ALDH3A1: variants seen among roughly 807,000 people sequenced by gnomAD.
The protein encoded by ALDH3A1 is aldehyde dehydrogenase 3 family member A1.
Under a neutral mutation model 49.9 loss-of-function variants are expected in ALDH3A1, and 46 were observed. That is an observed-to-expected ratio of 0.92 (90% confidence interval 0.73 to 1.18). ALDH3A1 has a LOEUF of 1.18. Among genes scored for constraint, ALDH3A1 ranks in the 50% most tolerant of loss-of-function variants. The probability of loss-of-function intolerance (pLI) is 0.00; values close to 1 mark genes in which losing one functional copy is unlikely to be tolerated. For synonymous variants in ALDH3A1, 269 were observed against 253.3 expected (o/e 1.06, Z -0.59); for missense variants, 592 against 611.8 (o/e 0.97, Z 0.34).
intron 1 of ALDH3A1, among the ~76,000 whole-genome samples, chr17:19,746,518 C>T (rs553990483): frequency 6.6e-6 from 1 of 151,868 alleles, no homozygotes; most frequent in Non-Finnish European, 1.5e-5. Flanking sequence ...TAATTACTTT[C>T]AGCGAGACTC....
intron 6 of ALDH3A1, 33 bp from the exon 7 acceptor site, chr17:19,740,510 A>T: frequency 4.3e-6 from 7 of 1,611,122 alleles, no homozygotes; most frequent in Non-Finnish European, 5.9e-6. Flanking sequence ...TCGGGTAAGG[A>T]CGCAGAGCCT....
intron 3 of ALDH3A1, chr17:19,742,912 G>A (rs1352151882): frequency 2.6e-6 from 4 of 1,527,044 alleles, no homozygotes; most frequent in Non-Finnish European, 3.5e-6. Flanking sequence ...AGGCTCTGGG[G>A]GCCCGGTTGG....
chr17:19,746,316 C>A (rs558170234), intron 1 of ALDH3A1, among the ~76,000 whole-genome samples: 1 of 152,136 alleles, frequency 6.6e-6, no homozygotes, highest in South Asian at 2.1e-4. Flanking sequence ...TTGAACCAAG[C>A]TGAGAGGAGG....
At chr17:19,742,896 G>A (rs1356795274) in intron 3 of ALDH3A1, 26 of 1,528,654 alleles carry the variant, frequency 1.7e-5, no homozygotes, top group Non-Finnish European at 2.2e-5. Flanking sequence ...AGCAGAAAGG[G>A]GAGAGAGGCT....
chr17:19,744,919 C>CCCCCCCCCCCCCA, intron 2 of ALDH3A1, 49 bp downstream of exon 2: 1 of 1,385,396 alleles, frequency 7.2e-7, no homozygotes, highest in Non-Finnish European at 9.4e-7. Flanking sequence ...CCCCACGCCC[C>CCCCCCCCCCCCCA]ATCGCATGGC....
chr17:19,742,260 C>T lies in ALDH3A1; in HGVS notation c.481-48G>A, dbSNP rs762977522. 12 of 1,584,606 alleles carry T rather than the reference C, an allele frequency of 7.6e-6. No individual in the cohort carries two copies. The Admixed American group carries it at 1.7e-4, about 22-fold the overall frequency. The stretch of plus-strand genomic sequence containing the variant: ...AGGCTCAGCAAAGACCAAGCCCCTC[C>T]TCGCTCTTGCAAGTGTGGGTGAGTT... On this transcript the variant is annotated intron_variant, in intron 4 of 10. Coordinates refer to ENST00000225740, the MANE Select transcript of ALDH3A1 (RefSeq NM_000691.5).
At position 19,738,995 on chromosome 17, in the gene ALDH3A1, C is replaced by A; in HGVS notation, c.1216+1G>T. 6.2e-7 allele frequency: 1 copy of A among 1,612,574 alleles called. No individual in the cohort carries two copies. The highest frequency in any genetic ancestry group is 8.5e-7 in the Non-Finnish European group (1 of 1,179,650). On this transcript the variant is annotated splice_donor_variant, in intron 9 of 10. Transcript: ENST00000225740. LOFTEE classifies it high-confidence loss of function. ...GGCAGCAAGCTCAGCCCCAGACTCA[C>A]CCACGCCCCCGAAGGGCAGAGAGTG...
intron 1 of ALDH3A1, among the ~76,000 whole-genome samples, chr17:19,746,169 A>G (rs1433005836): frequency 2.0e-5 from 3 of 152,148 alleles, no homozygotes; most frequent in African/African-American, 7.2e-5. Context: ...TGGGCGGGTC[A>G]CCTGAGGTCA....
intron 1 of ALDH3A1, among the ~76,000 whole-genome samples, chr17:19,747,736 T>C (rs912381721): frequency 1.3e-5 from 2 of 152,120 alleles, no homozygotes; most frequent in African/African-American, 4.8e-5. Context: ...CTCTCACCTG[T>C]GCCAGTGTTG....
chr17:19,741,368 C>A (rs916579042), intron 5 of ALDH3A1, 158 bp from the exon 6 acceptor site: 14 of 600,306 alleles, frequency 2.3e-5, no homozygotes, highest in Middle Eastern at 4.5e-4. Flanking sequence ...GACACTGGAC[C>A]GAGCAGACCC....
chr17:19,740,125 G>A (rs2086462929), intron 7 of ALDH3A1: 2 of 576,632 alleles, frequency 3.5e-6, no homozygotes, highest in South Asian at 2.7e-5. Flanking sequence ...CTCTTTCTGG[G>A]CCTTTGCTGG....
In ALDH3A1 at chr17:19,738,449, G is replaced by T; in HGVS notation, c.1221C>A (p.Asn407Lys). The T allele has an allele frequency of 6.2e-7, 1 of 1,610,938 alleles. No homozygotes were observed. The highest frequency in any genetic ancestry group is 8.5e-7 in the Non-Finnish European group (1 of 1,177,760). ...TGCCATGGTAGGATCCCATGCCGCTGTTCCCTGCGGAGGAGAAGTAAGCAC... is the reference window on the plus strand; with the variant it reads ...TGCCATGGTAGGATCCCATGCCGCTTTTCCCTGCGGAGGAGAAGTAAGCAC... ...LHSLPFGGVG[N>K]SGMGSYHGKK... is the part of the protein sequence containing the mutation. The change falls in exon 10 of 11, where the codon AAC becomes AAA. Residue 407 changes from asparagine (N) to lysine (K), a missense_variant. Asn to Lys is a moderately conservative substitution (Grantham distance 94). Coordinates refer to ENST00000225740, the MANE Select transcript of ALDH3A1 (RefSeq NM_000691.5).
intron 5 of ALDH3A1, 70 bp downstream of exon 5, chr17:19,741,934 T>C: frequency 1.4e-6 from 2 of 1,465,896 alleles, no homozygotes; most frequent in Non-Finnish European, 1.9e-6. Context: ...ACCCACAGCA[T>C]GAGGTGCAGT....
At chr17:19,744,328 G>A (rs1240628379) in intron 2 of ALDH3A1, 18 of 812,448 alleles carry the variant, frequency 2.2e-5, no homozygotes, top group Non-Finnish European at 2.7e-5. Context: ...GCCTGAACCC[G>A]GGAGGCGGAG....
intron 5 of ALDH3A1, 74 bp from the exon 6 acceptor site, chr17:19,741,284 C>G (rs2086487895): frequency 4.5e-6 from 6 of 1,332,020 alleles, no homozygotes; most frequent in Non-Finnish European, 6.4e-6. Flanking sequence ...GACCCCTGAG[C>G]TCTCTGGTCA....
Position 19,738,313 on chromosome 17 carries a change from C to G in ALDH3A1, c.1347+10G>C. On this transcript the variant is annotated intron_variant, in intron 10 of 10. Transcript: ENST00000225740. ...GCCCGGTCTCCCCCACAGCGCCTTC[C>G]CCCTCTCACCTTGGCCGGGCTCGGG... 2 of 1,613,482 alleles carry G rather than the reference C, an allele frequency of 1.2e-6. No homozygotes were observed. The highest frequency in any genetic ancestry group is 1.7e-6 in the Non-Finnish European group (2 of 1,179,434).
chr17:19,739,630 G>A lies in ALDH3A1; in HGVS notation c.994C>T (p.Gln332Ter), dbSNP rs1449313154. ...AGCACAGGCCCGAAGATCTCCTCTT[G>A]CATCACCGGGGACTGGGGGTCCACG... ...TDVDPQSPVMQEEIFGPVLPI... is the reference protein window; with the variant it reads ...TDVDPQSPVM Residue 332 changes from glutamine (Q) to a stop codon, truncating the protein, a stop_gained, in exon 8 of 11, where the codon CAA (glutamine) becomes TAA (stop). Transcript: ENST00000225740. LOFTEE classifies it high-confidence loss of function. The A allele has an allele frequency of 7.4e-6, 12 of 1,613,868 alleles. No homozygotes were observed. Among genetic ancestry groups the A allele is most frequent in the East Asian group, 4.5e-5 (2 of 44,892 alleles).
chr17:19,743,474 A>G lies in ALDH3A1; in HGVS notation c.163-11T>C, dbSNP rs2086541277. The G allele has an allele frequency of 2.5e-6, 4 of 1,578,986 alleles. No homozygotes were observed. In the African/African-American group the frequency reaches 5.4e-5, roughly 21 times the overall value. ...GGCGTTCCATTCATTCTGCAGCGAC[A>G]GAGCCGGAGTGAGCTTCCAGGGCCA... On this transcript the variant is annotated splice_polypyrimidine_tract_variant and intron_variant, in intron 2 of 10. Coordinates refer to ENST00000225740, the MANE Select transcript of ALDH3A1 (RefSeq NM_000691.5). The surrounding 1 kb of genome is among the most constrained non-coding windows in gnomAD (Gnocchi z 4.4).
intron 3 of ALDH3A1, 189 bp from the exon 4 acceptor site, chr17:19,742,819 C>T: frequency 2.0e-6 from 3 of 1,534,052 alleles, no homozygotes; most frequent in Middle Eastern, 1.7e-4. Flanking sequence ...CAGAGGGACA[C>T]ACACGGGCAC....
Sources: gnomAD v4.1 joint callset for allele counts (sites outside exome capture counted in the v4.1 genomes callset) on GRCh38, gnomAD v4.1.1 for gene constraint, Gnocchi (gnomAD v3.1) non-coding constraint, MANE v1.5 for transcripts, NCBI Gene and HGNC (gene_info 2026-07-23, HGNC 2026-07-21) for gene names.